LVRN: variants seen among roughly 807,000 people sequenced by gnomAD.
LVRN encodes laeverin.
A neutral mutation model predicts 111.4 loss-of-function variants in LVRN; 99 were observed. The ratio of observed to expected loss-of-function variants is 0.89; its 90% CI spans 0.76 to 1.05. The LOEUF is 1.05. Ranked by LOEUF, LVRN falls within the 50% of genes least tolerant of loss-of-function variation. The pLI, the probability that LVRN is intolerant of heterozygous loss-of-function variation, is 0.00. For missense variants in LVRN, 1,414 were observed against 1,206.8 expected, an observed-to-expected ratio of 1.17 and a Z score of -2.54; for synonymous variants, 488 against 449.5, an observed-to-expected ratio of 1.09 and a Z score of -1.08.
Position 115,999,783 on chromosome 5 carries a change from A to AT in LVRN, c.1400dup (p.Leu467PhefsTer3). ...ATAGAATGAGATCTTTTTTTCTAAC[A>AT]TTTTACATAATATCCTCAGAGAAGA... On this transcript the variant is annotated frameshift_variant, in exon 7 of 20. Transcript: ENST00000357872. LOFTEE classifies it high-confidence loss of function. 3 of 1,612,602 alleles carry AT rather than the reference A, an allele frequency of 1.9e-6. No individual in the cohort carries two copies. The highest frequency in any genetic ancestry group is 2.5e-6 in the Non-Finnish European group (3 of 1,179,430).
At chr5:116,011,808 A>T (rs73783052) in intron 14 of LVRN, among the ~76,000 whole-genome samples, 17,336 of 152,226 alleles carry the variant, frequency 0.11, 1,116 homozygotes, top group East Asian at 0.31. Flanking sequence ...AAAGAATTTC[A>T]ATGAACAGCA....
chr5:115,964,425 C>T (rs76899255), intron 1 of LVRN, among the ~76,000 whole-genome samples: 1 of 152,028 alleles, frequency 6.6e-6, no homozygotes, highest in Non-Finnish European at 1.5e-5. Flanking sequence ...TTAAGGGCAG[C>T]GTGCTTGGTT....
rs769038335 is a variant in LVRN, at chr5:116,022,371, A to G, written c.2757-20A>G. The G allele has an allele frequency of 7.8e-6, 12 of 1,547,334 alleles. No homozygotes were observed. Among genetic ancestry groups the G allele is most frequent in the Non-Finnish European group, 1.1e-5 (12 of 1,125,162 alleles). On this transcript the variant is annotated intron_variant, in intron 18 of 19. Transcript: ENST00000357872. ...TGCAAAATGCTTTCCACCCTTGATT[A>G]ACATCTTATTGCCTTGTAGGTATGG... is the stretch of plus-strand genomic sequence containing the variant.
chr5:115,984,586 A>T lies in LVRN; in HGVS notation c.855A>T (p.Glu285Asp). Reference sequence around the variant, plus strand: ...ATTCTCTAGGTCAGTCTGAAAAAGAAGATGTGAATGGAAGCAAATGGACTG... The same window carrying T: ...ATTCTCTAGGTCAGTCTGAAAAAGATGATGTGAATGGAAGCAAATGGACTG... ...NMPKLGQSEKEDVNGSKWTVT... is the reference protein window; with the variant it reads ...NMPKLGQSEKDDVNGSKWTVT... Residue 285 changes from glutamate to aspartate, a missense_variant, in exon 3 of 20, where the codon GAA becomes GAT. Coordinates refer to ENST00000357872, the MANE Select transcript of LVRN (RefSeq NM_173800.5). 1 of 1,613,492 alleles carries T rather than the reference A, an allele frequency of 6.2e-7. No individual in the cohort carries two copies. Among genetic ancestry groups the T allele is most frequent in the South Asian group, 1.1e-5 (1 of 91,046 alleles).
At chr5:115,978,716 G>A (rs1421030595) in intron 1 of LVRN, among the ~76,000 whole-genome samples, 1 of 152,104 alleles carries the variant, frequency 6.6e-6, no homozygotes, top group African/African-American at 2.4e-5. Context: ...CCTGCATTAA[G>A]GTACAGGGTG....
chr5:116,000,711 G>A, intron 9 of LVRN, 53 bp downstream of exon 9: 1 of 1,576,076 alleles, frequency 6.3e-7, no homozygotes, highest in Non-Finnish European at 8.7e-7. Flanking sequence ...GTATGATACA[G>A]GAAAAGACTG....
In LVRN at chr5:116,003,284, G is replaced by T. The variant is rs1748279032; in HGVS notation, c.1941G>T (p.Trp647Cys). 5.7e-6 allele frequency: 9 copies of T among 1,581,140 alleles called. No individual in the cohort carries two copies. In the East Asian group the frequency reaches 2.0e-4, roughly 36 times the overall value. ...EMQVSDSDHD[W>C]VILNLNMTGY... ...AAGTTTCAGATTCTGACCATGACTGGGTGATTTTGAATTTGAATATGACTG... is the reference window on the plus strand; with the variant it reads ...AAGTTTCAGATTCTGACCATGACTGTGTGATTTTGAATTTGAATATGACTG... Residue 647 changes from tryptophan to cysteine, a missense_variant, in exon 12 of 20, where the codon TGG becomes TGT. Coordinates refer to ENST00000357872, the MANE Select transcript of LVRN (RefSeq NM_173800.5).
chr5:116,004,529 G>C (rs1403082544), intron 12 of LVRN, among the ~76,000 whole-genome samples: 1 of 152,170 alleles, frequency 6.6e-6, no homozygotes, highest in African/African-American at 2.4e-5. Flanking sequence ...TTAGGTTCTG[G>C]ATCAGGAAGA....
intron 18 of LVRN, among the ~76,000 whole-genome samples, chr5:116,017,869 A>G (rs1748634833): frequency 6.6e-6 from 1 of 152,238 alleles, no homozygotes; most frequent in South Asian, 2.1e-4. Flanking sequence ...CTTTTTCTCA[A>G]TATTGTCAGT....
At chr5:115,974,747 G>C in intron 1 of LVRN, 1 of 209,926 alleles carries the variant, frequency 4.8e-6, no homozygotes, top group Non-Finnish European at 9.7e-6. Context: ...ATTTTTCAGT[G>C]TTCCATGGAA....
At chr5:116,006,745 G>A (rs111628652) in intron 13 of LVRN, among the ~76,000 whole-genome samples, 2,027 of 152,232 alleles carry the variant, frequency 0.013, 48 homozygotes, top group African/African-American at 0.046. Context: ...TCTGTAGAGT[G>A]CCAGCAGATG....
Position 115,987,955 on chromosome 5 carries a change from C to T in LVRN, c.1105+16C>T, listed in dbSNP as rs1208075515. On this transcript the variant is annotated intron_variant, in intron 4 of 19. Transcript: ENST00000357872. ...CCAAAAACAGGTGAGGTAATCTTTT[C>T]CTTTCAGTGCATTTGGTTTCCTGTT... is the stretch of plus-strand genomic sequence containing the variant. 3 of 1,604,148 alleles carry T rather than the reference C, an allele frequency of 1.9e-6. No individual in the cohort carries two copies. The highest frequency in any genetic ancestry group is 2.5e-6 in the Non-Finnish European group (3 of 1,176,620).
intron 16 of LVRN, 77 bp downstream of exon 16, chr5:116,014,604 G>C: frequency 8.9e-7 from 1 of 1,121,772 alleles, no homozygotes; most frequent in East Asian, 2.5e-5. Context: ...TGTACTCACT[G>C]TGGGAATGAG....
At position 115,983,357 on chromosome 5, in the gene LVRN, C is replaced by T. The variant is rs2112571581; in HGVS notation, c.766C>T (p.Leu256=). ...YVFPCFDEPA[L]KATFNITMIH... ...TTTCCCTTGTTTTGATGAGCCAGCT[C>T]TGAAGGCAACTTTTAATATTACAAT... The change falls in exon 2 of 20, where the codon CTG becomes TTG. Residue 256 remains leucine (L), a synonymous_variant. Coordinates refer to ENST00000357872, the MANE Select transcript of LVRN (RefSeq NM_173800.5). The T allele has an allele frequency of 1.9e-6, 3 of 1,611,882 alleles. No homozygotes were observed. In the East Asian group the frequency reaches 6.7e-5, roughly 36 times the overall value.
At chr5:116,010,528 G>A in intron 13 of LVRN, 2 of 606,996 alleles carry the variant, frequency 3.3e-6, no homozygotes, top group Non-Finnish European at 3.1e-6. Context: ...TCAAGACTTT[G>A]GACACTTGAA....
At chr5:116,017,587 T>C (rs1423970031) in intron 18 of LVRN, among the ~76,000 whole-genome samples, 1 of 152,200 alleles carries the variant, frequency 6.6e-6, no homozygotes, top group East Asian at 1.9e-4. Context: ...ATATGGTATG[T>C]CAAAGAGTTA....
At chr5:115,990,642 C>T (rs940913542) in intron 4 of LVRN, among the ~76,000 whole-genome samples, 1 of 152,092 alleles carries the variant, frequency 6.6e-6, no homozygotes, top group Non-Finnish European at 1.5e-5. Context: ...TGCAATCCCC[C>T]CCTACTGACA....
At chr5:116,018,267 A>G (rs1041443602) in intron 18 of LVRN, among the ~76,000 whole-genome samples, 1 of 152,210 alleles carries the variant, frequency 6.6e-6, no homozygotes, top group Non-Finnish European at 1.5e-5. Context: ...CCTGGCTCTG[A>G]TTCCCGGTTC....
intron 1 of LVRN, among the ~76,000 whole-genome samples, chr5:115,970,488 T>C (rs1753301490): frequency 6.6e-6 from 1 of 151,818 alleles, no homozygotes; most frequent in South Asian, 2.1e-4. Flanking sequence ...GTTCAAGCGA[T>C]TCCCCTGCCT....
Sources: gnomAD v4.1 joint callset for allele counts (sites outside exome capture counted in the v4.1 genomes callset) on GRCh38, gnomAD v4.1.1 for gene constraint, MANE v1.5 for transcripts, NCBI Gene and HGNC (gene_info 2026-07-23, HGNC 2026-07-21) for gene names.